Variants in SACM1L observed in about 807,000 individuals in gnomAD.
SACM1L encodes the protein SAC1 like phosphatidylinositide phosphatase, also known as phosphatidylinositol-3-phosphatase SAC1.
SACM1L carries 32 observed loss-of-function variants against 89.5 expected under a neutral mutation model. The ratio of observed to expected loss-of-function variants is 0.36; its 90% CI spans 0.27 to 0.48. The LOEUF is 0.48. SACM1L is among the 20% of genes least tolerant of loss of function. SACM1L has a pLI of 0.99. For synonymous variants in SACM1L, 213 were observed against 232.8 expected (o/e 0.92, Z 0.77); for missense variants, 543 against 708.5 (o/e 0.77, Z 2.65).
chr3:45,692,369 G>T (rs1284094671), intron 1 of SACM1L, among the ~76,000 whole-genome samples: 1 of 151,078 alleles, frequency 6.6e-6, no homozygotes, highest in Non-Finnish European at 1.5e-5. Flanking sequence ...TGTCACCCAG[G>T]CTGGAGTGCA....
intron 3 of SACM1L, among the ~76,000 whole-genome samples, chr3:45,705,850 C>T (rs1423215019): frequency 2.0e-5 from 3 of 152,178 alleles, no homozygotes; most frequent in African/African-American, 4.8e-5. Flanking sequence ...TATTCTACAC[C>T]TTCAGCCCTG....
Position 45,731,491 on chromosome 3 carries a change from A to T in SACM1L, c.1001+111A>T, listed in dbSNP as rs908821056. 8.2e-5 allele frequency: 46 copies of T among 562,854 alleles called. No individual in the cohort carries two copies. In the Admixed American group the frequency reaches 8.3e-4, roughly 10 times the overall value. 34.9% of individuals were successfully genotyped at this position (562,854 alleles called of 1,614,324 possible). On this transcript the variant is annotated intron_variant, in intron 12 of 19. Transcript: ENST00000389061. ...TATGTTTCAGCTTGCATTTTTTTCA[A>T]TAGTAGATCAAAGCATGATATTTTG...
intron 1 of SACM1L, among the ~76,000 whole-genome samples, chr3:45,691,637 T>C (rs1438408239): frequency 6.6e-6 from 1 of 151,902 alleles, no homozygotes; most frequent in African/African-American, 2.4e-5. Flanking sequence ...TTTAAAGAGA[T>C]GGGGTCTCAT....
intron 19 of SACM1L, among the ~76,000 whole-genome samples, chr3:45,741,091 G>A (rs1164516131): frequency 6.6e-6 from 1 of 152,162 alleles, no homozygotes; most frequent in Non-Finnish European, 1.5e-5. Context: ...TGGTGTATTG[G>A]ACGTTGGAGA....
rs1184867222 is a variant in SACM1L, at chr3:45,738,607, T to C, written c.1412T>C (p.Ile471Thr). The C allele has an allele frequency of 2.5e-6, 4 of 1,612,796 alleles. No homozygotes were observed. Among genetic ancestry groups the C allele is most frequent in the African/African-American group, 1.3e-5 (1 of 74,910 alleles). Residue 471 changes from isoleucine (I) to threonine (T), a missense_variant, in exon 17 of 20, where the codon ATA becomes ACA. This residue lies in a region of SACM1L where 370 missense variants were observed against 527.6 expected (regional missense o/e 0.70). Transcript: ENST00000389061. ...GGAAAGAGAACTCATTTGGGACTTATAATGGATGGCTGGAACTCAATGATA... is the reference window on the plus strand; with the variant it reads ...GGAAAGAGAACTCATTTGGGACTTACAATGGATGGCTGGAACTCAATGATA... ...RTGKRTHLGL[I>T]MDGWNSMIRY...
intron 1 of SACM1L, among the ~76,000 whole-genome samples, chr3:45,693,907 A>G (rs995958741): frequency 1.3e-5 from 2 of 152,210 alleles, no homozygotes. Flanking sequence ...ATAGGCATGG[A>G]TAATGTCAGA....
At chr3:45,704,334 T>C (rs139752264) in intron 2 of SACM1L, among the ~76,000 whole-genome samples, 4 of 152,344 alleles carry the variant, frequency 2.6e-5, no homozygotes, top group African/African-American at 7.2e-5. Context: ...TACGAAAATA[T>C]ATTCCATGAG....
At position 45,705,116 on chromosome 3, in the gene SACM1L, TCTTTC is replaced by T. The variant is rs748042468; in HGVS notation, c.131-13_131-9del. On this transcript the variant is annotated splice_polypyrimidine_tract_variant and intron_variant, in intron 2 of 19. Transcript: ENST00000389061. ...GAGCTTTTTGTATGTGATTTTTCTT[TCTTTC>T]CTTTCTTTTAAAGTCAAGAAAGATG... is the stretch of plus-strand genomic sequence containing the variant. 7.7e-6 allele frequency: 12 copies of T among 1,556,488 alleles called. No homozygotes were observed. The highest frequency in any genetic ancestry group is 5.4e-5 in the Admixed American group (3 of 55,156).
At chr3:45,703,603 ACAT>A in intron 2 of SACM1L, 68 bp downstream of exon 2, 1 of 1,069,676 alleles carries the variant, frequency 9.3e-7, no homozygotes, top group Non-Finnish European at 1.4e-6. Context: ...TAATTAAAAA[ACAT>A]CACTCAGAGG....
intron 7 of SACM1L, among the ~76,000 whole-genome samples, chr3:45,716,919 G>A (rs887109959): frequency 3.3e-5 from 5 of 152,124 alleles, no homozygotes; most frequent in Admixed American, 1.3e-4. Flanking sequence ...AGATGTTTTT[G>A]TCTTGTAATC....
chr3:45,709,319 T>G (rs960164230), intron 4 of SACM1L, among the ~76,000 whole-genome samples, 179 bp from the exon 5 acceptor site: 7 of 152,218 alleles, frequency 4.6e-5, no homozygotes, highest in African/African-American at 1.4e-4. Flanking sequence ...GAGTATCTTC[T>G]GTGTGTCAGG....
chr3:45,697,449 G>A (rs1242537341), intron 1 of SACM1L, among the ~76,000 whole-genome samples: 1 of 150,232 alleles, frequency 6.7e-6, no homozygotes, highest in East Asian at 2.0e-4. Context: ...GCTAATTTTT[G>A]CATTTTTTGT....
intron 19 of SACM1L, among the ~76,000 whole-genome samples, chr3:45,742,482 A>C (rs1382408960): frequency 6.6e-6 from 1 of 152,150 alleles, no homozygotes; most frequent in African/African-American, 2.4e-5. Flanking sequence ...CATTCCCTGT[A>C]TGTATTTCTC....
In SACM1L at chr3:45,697,269, CT is replaced by C. The variant is rs869095037; in HGVS notation, c.33-6144del. Among the ~76,000 whole-genome samples, 406 of 92,106 alleles carry C rather than the reference CT, an allele frequency of 4.4e-3. 3 individuals carry two copies. Among genetic ancestry groups the C allele is most frequent in the Middle Eastern group, 9.3e-3 (1 of 108 alleles). The allele number at this position is 92,106 out of a possible 152,430, so 60.4% of individuals were successfully genotyped here. ...CCTGCTTTGTTTTTCTTTTCTTTTC[CT>C]TTTTTTTTTTTTTTTTTTTTTTTTA... is the stretch of plus-strand genomic sequence containing the variant. On this transcript the variant is annotated intron_variant, in intron 1 of 19. Coordinates refer to ENST00000389061, the MANE Select transcript of SACM1L (RefSeq NM_014016.5).
intron 1 of SACM1L, among the ~76,000 whole-genome samples, chr3:45,697,269 C>CTTTTTTTTTTTTTTTTTTTT (rs869095037): frequency 1.1e-5 from 1 of 92,120 alleles, no homozygotes; most frequent in African/African-American, 4.3e-5. Context: ...TTTTCTTTTC[C>CTTTTTTTTTTTTTTTTTTTT]TTTTTTTTTT....
chr3:45,700,684 CAG>C (rs1409542926), intron 1 of SACM1L, among the ~76,000 whole-genome samples: 1 of 152,098 alleles, frequency 6.6e-6, no homozygotes, highest in Non-Finnish European at 1.5e-5. Context: ...TTTTTTGAGA[CAG>C]AGTCTCACTC....
chr3:45,735,835 T>C (rs1003908663), intron 14 of SACM1L, among the ~76,000 whole-genome samples: 1 of 152,212 alleles, frequency 6.6e-6, no homozygotes, highest in African/African-American at 2.4e-5. Flanking sequence ...ATCCATTTCA[T>C]TGAACTCTTC....
chr3:45,710,693 ATG>A (rs1274745352), intron 5 of SACM1L, among the ~76,000 whole-genome samples: 1 of 152,092 alleles, frequency 6.6e-6, no homozygotes, highest in East Asian at 1.9e-4. Flanking sequence ...AGGTTGGACA[ATG>A]TGAAGTCGCC....
intron 5 of SACM1L, among the ~76,000 whole-genome samples, chr3:45,711,384 T>C (rs1575394626): frequency 6.6e-6 from 1 of 152,048 alleles, no homozygotes; most frequent in Non-Finnish European, 1.5e-5. Context: ...CCCAACACTT[T>C]AGGTGGCCGA....
Sources: gnomAD v4.1 joint callset for allele counts (sites outside exome capture counted in the v4.1 genomes callset) on GRCh38, gnomAD v4.1.1 for gene constraint, gnomAD v4.1.1 regional missense constraint, MANE v1.5 for transcripts, NCBI Gene and HGNC (gene_info 2026-07-23, HGNC 2026-07-21) for gene names.